The following MYO1D variants were observed in gnomAD, a reference collection of about 807,000 sequenced individuals.
The protein encoded by MYO1D is myosin ID, also known as unconventional myosin-Id.
Under a neutral mutation model 122.0 loss-of-function variants are expected in MYO1D, and 83 were observed. That is an observed-to-expected ratio of 0.68 (90% CI 0.57 to 0.82). The LOEUF (loss-of-function observed/expected upper bound fraction) is 0.82. Ranked by LOEUF, MYO1D falls within the 40% of genes least tolerant of loss-of-function variation. The pLI is 0.00. For missense variants in MYO1D, 1,157 were observed against 1,269.5 expected, an observed-to-expected ratio of 0.91 and a Z score of 1.35; for synonymous variants, 464 against 446.9, an observed-to-expected ratio of 1.04 and a Z score of -0.48.
intron 21 of MYO1D, among the ~76,000 whole-genome samples, chr17:32,597,069 G>T (rs1479850553): frequency 2.0e-5 from 3 of 152,178 alleles, no homozygotes; most frequent in Non-Finnish European, 2.9e-5. Context: ...GGCTATATTT[G>T]GGATTGTTTC....
At chr17:32,549,610 G>A (rs1024120554) in intron 21 of MYO1D, among the ~76,000 whole-genome samples, 5 of 152,204 alleles carry the variant, frequency 3.3e-5, no homozygotes, top group South Asian at 2.1e-4. Context: ...GGTCTGCCAT[G>A]AGTTGGATGC....
chr17:32,728,538 T>C (rs1033554493), intron 14 of MYO1D, among the ~76,000 whole-genome samples: 12 of 152,138 alleles, frequency 7.9e-5, no homozygotes, highest in African/African-American at 2.2e-4. Context: ...ACAAAACATA[T>C]ACATAAAGCA....
intron 1 of MYO1D, among the ~76,000 whole-genome samples, chr17:32,833,974 A>G (rs2151068413): frequency 6.6e-6 from 1 of 152,038 alleles, no homozygotes; most frequent in Non-Finnish European, 1.5e-5. Flanking sequence ...CTAATGCACT[A>G]TATACTTTGC....
intron 16 of MYO1D, among the ~76,000 whole-genome samples, chr17:32,660,017 G>C (rs1019424174): frequency 6.6e-6 from 1 of 152,004 alleles, no homozygotes; most frequent in South Asian, 2.1e-4. Context: ...TCCTTTGTCA[G>C]GTACCCATAT....
At position 32,638,188 on chromosome 17, in the gene MYO1D, A is replaced by G. The variant is rs148926727; in HGVS notation, c.2709+534T>C. 1.1e-3 allele frequency among the ~76,000 whole-genome samples: 168 copies of G among 152,352 alleles called. 1 individual carries two copies. Among genetic ancestry groups the G allele is most frequent in the Middle Eastern group, 0.01 (3 of 294 alleles). ...ATTGCGATTCAAGGAGATACCCACG[A>G]AATTTCGTATTTCAAATAAAAAATG... On this transcript the variant is annotated intron_variant, in intron 20 of 21. Transcript: ENST00000318217.
At chr17:32,725,271 C>T (rs2089558458) in intron 14 of MYO1D, among the ~76,000 whole-genome samples, 1 of 152,068 alleles carries the variant, frequency 6.6e-6, no homozygotes, top group Non-Finnish European at 1.5e-5. Flanking sequence ...GTAATCCCAG[C>T]CCTTTAGGAG....
intron 1 of MYO1D, among the ~76,000 whole-genome samples, chr17:32,863,499 A>G (rs1234566969): frequency 1.3e-5 from 2 of 152,222 alleles, no homozygotes; most frequent in African/African-American, 4.8e-5. Flanking sequence ...TTGTAAATTA[A>G]GAGGGGAAAG....
intron 1 of MYO1D, among the ~76,000 whole-genome samples, chr17:32,785,723 G>A (rs954040039): frequency 2.6e-5 from 4 of 152,080 alleles, no homozygotes; most frequent in Admixed American, 1.3e-4. Context: ...TTTGAGCCAC[G>A]TTCTCTTCAT....
chr17:32,497,365 G>A (rs904761925), intron 21 of MYO1D, among the ~76,000 whole-genome samples: 3 of 152,178 alleles, frequency 2.0e-5, no homozygotes, highest in Non-Finnish European at 4.4e-5. Context: ...GCTGAGGCAG[G>A]AGGATCGCCT....
intron 20 of MYO1D, among the ~76,000 whole-genome samples, chr17:32,609,945 A>G (rs1597930214): frequency 6.6e-6 from 1 of 152,340 alleles, no homozygotes; most frequent in East Asian, 1.9e-4. Flanking sequence ...ATTTTAAAAA[A>G]ACATTTTATG....
chr17:32,819,901 G>A (rs941062417), intron 1 of MYO1D, among the ~76,000 whole-genome samples: 4 of 152,168 alleles, frequency 2.6e-5, no homozygotes, highest in East Asian at 3.8e-4. Flanking sequence ...TGGCTAAGTC[G>A]GAATTTCAAT....
At chr17:32,620,449 G>A (rs1597941425) in intron 20 of MYO1D, among the ~76,000 whole-genome samples, 1 of 152,172 alleles carries the variant, frequency 6.6e-6, no homozygotes, top group Non-Finnish European at 1.5e-5. Context: ...TGGCAAGAAA[G>A]AGCAGGCTCT....
chr17:32,726,363 T>C (rs931859104), intron 14 of MYO1D, among the ~76,000 whole-genome samples: 1 of 151,496 alleles, frequency 6.6e-6, no homozygotes, highest in Non-Finnish European at 1.5e-5. Flanking sequence ...GAGGTTGCAG[T>C]GAGCTGAGAT....
intron 20 of MYO1D, among the ~76,000 whole-genome samples, chr17:32,606,030 G>A (rs1023991091): frequency 1.3e-5 from 2 of 152,112 alleles, no homozygotes; most frequent in African/African-American, 4.8e-5. Flanking sequence ...AACCCAGGAG[G>A]CAGAGGTTGC....
At chr17:32,692,207 A>C (rs993995919) in intron 16 of MYO1D, among the ~76,000 whole-genome samples, 4 of 152,224 alleles carry the variant, frequency 2.6e-5, no homozygotes, top group Non-Finnish European at 5.9e-5. Flanking sequence ...AGGTTAGCAA[A>C]ACTTGATAGT....
chr17:32,594,493 C>T, intron 21 of MYO1D: 2 of 532,464 alleles, frequency 3.8e-6, no homozygotes, highest in Non-Finnish European at 3.4e-6. Context: ...TCTCAGTTTG[C>T]CATGTAATCT....
At chr17:32,541,697 A>G (rs1429371191) in intron 21 of MYO1D, among the ~76,000 whole-genome samples, 1 of 152,042 alleles carries the variant, frequency 6.6e-6, no homozygotes, top group Non-Finnish European at 1.5e-5. Flanking sequence ...ATTCATGTAA[A>G]ACTTTTGCAC....
intron 20 of MYO1D, among the ~76,000 whole-genome samples, chr17:32,615,716 T>C (rs149455946): frequency 6.6e-6 from 1 of 152,338 alleles, no homozygotes; most frequent in African/African-American, 2.4e-5. Context: ...AAGGCATCCA[T>C]AGTATCTTCC....
chr17:32,683,625 G>A (rs1335236724), intron 16 of MYO1D, among the ~76,000 whole-genome samples: 7 of 151,642 alleles, frequency 4.6e-5, no homozygotes, highest in African/African-American at 7.3e-5. Context: ...CTCCAGCTGC[G>A]TGCTGGGAGA....
Sources: allele counts gnomAD v4.1 joint callset (sites outside exome capture counted in the v4.1 genomes callset), GRCh38; gene constraint gnomAD v4.1.1; transcripts MANE v1.5; gene names NCBI Gene and HGNC (gene_info 2026-07-23, HGNC 2026-07-21).